Variants in ADGRL1 observed in about 807,000 individuals in gnomAD.
ADGRL1 encodes the protein adhesion G protein-coupled receptor L1.
ADGRL1 carries 31 observed loss-of-function variants against 148.9 expected under a neutral mutation model. The ratio of observed to expected loss-of-function variants is 0.21; its 90% CI spans 0.16 to 0.28. The LOEUF (loss-of-function observed/expected upper bound fraction) is 0.28. Ranked by LOEUF, ADGRL1 falls within the 10% of genes least tolerant of loss-of-function variation. The pLI, the probability that ADGRL1 is intolerant of heterozygous loss-of-function variation, is 1.00. For missense variants in ADGRL1, 1,521 were observed against 2,058.8 expected, an observed-to-expected ratio of 0.74 and a Z score of 5.05; for synonymous variants, 937 against 900.3, an observed-to-expected ratio of 1.04 and a Z score of -0.73.
chr19:14,198,285 G>C (rs528659060), intron 1 of ADGRL1, among the ~76,000 whole-genome samples: 1 of 152,074 alleles, frequency 6.6e-6, no homozygotes, highest in Non-Finnish European at 1.5e-5. Flanking sequence ...ATCTGGCTCG[G>C]GTGTTCACAG....
In ADGRL1 at chr19:14,150,983, C is replaced by A; in HGVS notation, c.4300G>T (p.Gly1434Cys). The change falls in exon 23 of 23, where the codon GGC becomes TGC. Residue 1434 changes from glycine (G) to cysteine (C), a missense_variant. Gly to Cys is a radical substitution (Grantham distance 159). This residue lies in a region of ADGRL1 where 390 missense variants were observed against 375.0 expected (regional missense o/e 1.04). Coordinates refer to ENST00000361434, the MANE Select transcript of ADGRL1 (RefSeq NM_014921.5). ...CTAGGACGCCGCACCTGGTAGTAGC[C>A]CTGCAGGGGATTCCGGGCCACCAGG... ...PALVARNPLQ[G>C]YYQVRRPSHE... The A allele has an allele frequency of 1.3e-6, 2 of 1,597,450 alleles. No homozygotes were observed. The highest frequency in any genetic ancestry group is 1.7e-6 in the Non-Finnish European group (2 of 1,172,892).
chr19:14,173,943 CAAAAAAAAAAAAAA>C lies in ADGRL1; in HGVS notation c.285-3166_285-3153del, dbSNP rs774211423. 1.8e-4 allele frequency among the ~76,000 whole-genome samples: 6 copies of C among 32,968 alleles called. No homozygotes were observed. In the South Asian group the frequency reaches 4.0e-3, roughly 22 times the overall value. 21.6% of individuals were successfully genotyped at this position (32,968 alleles called of 152,430 possible). Reference sequence around the variant, plus strand: ...CCTGGGGGAGAGCAAGACTCCGTCTCAAAAAAAAAAAAAAAAAAAAAAAAAGAGTCTCCAGGCTT... The same window carrying C: ...CCTGGGGGAGAGCAAGACTCCGTCTCAAAAAAAAAAAGAGTCTCCAGGCTT... On this transcript the variant is annotated intron_variant, in intron 3 of 22. Transcript: ENST00000361434.
At chr19:14,181,698 C>T (rs1229506967) in intron 2 of ADGRL1, among the ~76,000 whole-genome samples, 7 of 152,054 alleles carry the variant, frequency 4.6e-5, no homozygotes, top group African/African-American at 1.2e-4. Context: ...CCAGCCTGGG[C>T]GACAAGAGCA....
At position 14,201,848 on chromosome 19, in the gene ADGRL1, G is replaced by A. The variant is rs970962449; in HGVS notation, c.-96+4137C>T. 5.3e-5 allele frequency among the ~76,000 whole-genome samples: 8 copies of A among 152,130 alleles called. 1 individual carries two copies. Among genetic ancestry groups the A allele is most frequent in the African/African-American group, 1.9e-4 (8 of 41,424 alleles). ...ACAGACACAGACAGTAAACAAACAA[G>A]CGCAGAACATCAGGAAATTACAGAC... On this transcript the variant is annotated intron_variant, in intron 1 of 22. Transcript: ENST00000361434.
rs754002920 is a variant in ADGRL1 at position 14,156,917 on chromosome 19, A to G, written c.2966+8T>C. On this transcript the variant is annotated splice_region_variant and intron_variant, in intron 15 of 22. Transcript: ENST00000361434. ...GGGAGGGTGCAGGGCTGGGAGGTGGAAACTCACGCCTTCTCGGTGCCGTAG... is the reference window on the plus strand; with the variant it reads ...GGGAGGGTGCAGGGCTGGGAGGTGGGAACTCACGCCTTCTCGGTGCCGTAG... 7 of 1,607,794 alleles carry G rather than the reference A, an allele frequency of 4.4e-6. No individual in the cohort carries two copies. In the Admixed American group the frequency reaches 8.4e-5, roughly 19 times the overall value.
At chr19:14,204,064 T>C (rs1465348648) in intron 1 of ADGRL1, among the ~76,000 whole-genome samples, 4 of 152,182 alleles carry the variant, frequency 2.6e-5, no homozygotes, top group African/African-American at 7.2e-5. Context: ...CTGCCAGCCA[T>C]GGAATTAGTT....
At chr19:14,154,905 C>A (rs1417381481) in intron 18 of ADGRL1, among the ~76,000 whole-genome samples, 3 of 152,204 alleles carry the variant, frequency 2.0e-5, no homozygotes, top group Non-Finnish European at 4.4e-5. Flanking sequence ...GCGTGAGCCA[C>A]CGTGTCCGGA....
intron 1 of ADGRL1, 141 bp from the exon 2 acceptor site, chr19:14,183,838 G>T (rs574609537): frequency 3.7e-6 from 2 of 543,186 alleles, no homozygotes; most frequent in South Asian, 4.8e-5. Context: ...CCCCCTCCGG[G>T]GTCTGCAGCT....
At position 14,159,351 on chromosome 19, in the gene ADGRL1, G is replaced by A. The variant is rs754538492; in HGVS notation, c.2023+50C>T. Reference sequence around the variant, plus strand: ...CCTGTGGCCTCCAGGCCAGAACCCCGTGGTTTAAGGTTCGTATCTGAGTTT... The same window carrying A: ...CCTGTGGCCTCCAGGCCAGAACCCCATGGTTTAAGGTTCGTATCTGAGTTT... On this transcript the variant is annotated intron_variant, in intron 10 of 22. Transcript: ENST00000361434. This position sits in a 1 kb window ranked among gnomAD's most constrained non-coding sequence, Gnocchi z 6.0. The A allele has an allele frequency of 2.7e-5, 42 of 1,574,860 alleles. No homozygotes were observed. Among genetic ancestry groups the A allele is most frequent in the Admixed American group, 5.2e-5 (3 of 57,380 alleles).
Position 14,150,536 on chromosome 19 carries a change from A to G in ADGRL1, c.*337T>C. 3.6e-6 allele frequency: 1 copy of G among 277,740 alleles called. No individual in the cohort carries two copies. Among genetic ancestry groups the G allele is most frequent in the Admixed American group, 4.8e-5 (1 of 20,932 alleles). The allele number at this position is 277,740 out of a possible 1,614,324, so 17.2% of individuals were successfully genotyped here. ...AACTAAAGCCCTCATTTCCCTTCAC[A>G]GGGTAGAAGGGTGGGAGAGGGGAGA... On this transcript the variant is annotated 3_prime_UTR_variant, in exon 23 of 23. Transcript: ENST00000361434.
intron 1 of ADGRL1, among the ~76,000 whole-genome samples, chr19:14,199,724 AATTTT>A (rs1461183951): frequency 1.3e-5 from 2 of 151,486 alleles, no homozygotes; most frequent in African/African-American, 4.9e-5. Context: ...CGGCTGTTGC[AATTTT>A]ATTTTATTTT....
Position 14,150,541 on chromosome 19 carries a change from A to G in ADGRL1, c.*332T>C, listed in dbSNP as rs1253731678. 6.8e-6 allele frequency: 2 copies of G among 296,190 alleles called. No homozygotes were observed. The highest frequency in any genetic ancestry group is 6.4e-6 in the Non-Finnish European group (1 of 157,218). The allele number at this position is 296,190 out of a possible 1,614,324, so 18.3% of individuals were successfully genotyped here. On this transcript the variant is annotated 3_prime_UTR_variant, in exon 23 of 23. Coordinates refer to ENST00000361434, the MANE Select transcript of ADGRL1 (RefSeq NM_014921.5). ...AAGCCCTCATTTCCCTTCACAGGGT[A>G]GAAGGGTGGGAGAGGGGAGAGTCTG...
At chr19:14,198,176 G>A (rs1016970685) in intron 1 of ADGRL1, among the ~76,000 whole-genome samples, 1 of 152,030 alleles carries the variant, frequency 6.6e-6, no homozygotes, top group Non-Finnish European at 1.5e-5. Context: ...GGCTGGGGAG[G>A]GGGGTCACAG....
At chr19:14,173,635 C>T (rs997933435) in intron 3 of ADGRL1, among the ~76,000 whole-genome samples, 3 of 152,074 alleles carry the variant, frequency 2.0e-5, no homozygotes, top group East Asian at 1.9e-4. Context: ...GTGGAGGCAG[C>T]CCAAACATCC....
At position 14,159,675 on chromosome 19, in the gene ADGRL1, C is replaced by T. The variant is rs1336625507; in HGVS notation, c.1839+60G>A. 6.2e-7 allele frequency: 1 copy of T among 1,602,998 alleles called. No homozygotes were observed. On this transcript the variant is annotated intron_variant, in intron 9 of 22. Coordinates refer to ENST00000361434, the MANE Select transcript of ADGRL1 (RefSeq NM_014921.5). The surrounding 1 kb of genome is among the most constrained non-coding windows in gnomAD (Gnocchi z 6.0). ...TGCATGCCCTCTTCTCAACCTCCAC[C>T]CCTAATCCCCCCATCAGCTGGAGCC... is the stretch of plus-strand genomic sequence containing the variant.
intron 1 of ADGRL1, among the ~76,000 whole-genome samples, chr19:14,199,553 T>C (rs1599524817): frequency 1.3e-5 from 2 of 151,876 alleles, no homozygotes; most frequent in African/African-American, 2.4e-5. Flanking sequence ...GCCTCCCAAG[T>C]AGCTGGGACC....
Position 14,151,329 on chromosome 19 carries a change from G to A in ADGRL1, c.3954C>T (p.Gly1318=), listed in dbSNP as rs746377509. ...VPGGGGEEEA[G]GPGGADRAEI... ...CGGCCCGGTCAGCACCCCCGGGCCC[G>A]CCCGCCTCTTCCTCGCCCCCGCCCC... Residue 1318 remains glycine, a synonymous_variant, in exon 23 of 23, where the codon GGC becomes GGT. Coordinates refer to ENST00000361434, the MANE Select transcript of ADGRL1 (RefSeq NM_014921.5). 8.8e-6 allele frequency: 14 copies of A among 1,587,604 alleles called. No individual in the cohort carries two copies. Among genetic ancestry groups the A allele is most frequent in the South Asian group, 2.3e-5 (2 of 88,732 alleles).
At chr19:14,189,049 G>A (rs1482920556) in intron 1 of ADGRL1, among the ~76,000 whole-genome samples, 1 of 152,024 alleles carries the variant, frequency 6.6e-6, no homozygotes, top group Non-Finnish European at 1.5e-5. Flanking sequence ...ATCGTGCCCA[G>A]CCTCCAAAAC....
At chr19:14,183,214 A>AGAGC (rs1555790240) in intron 2 of ADGRL1, among the ~76,000 whole-genome samples, 1 of 145,066 alleles carries the variant, frequency 6.9e-6, no homozygotes, top group Admixed American at 7.0e-5. Context: ...AGAGAGAGAG[A>AGAGC]GAGCGAGAGA....
Sources: allele counts gnomAD v4.1 joint callset (sites outside exome capture counted in the v4.1 genomes callset), GRCh38; gene constraint gnomAD v4.1.1; regional missense constraint gnomAD v4.1.1; non-coding constraint Gnocchi (gnomAD v3.1); transcripts MANE v1.5; gene names NCBI Gene and HGNC (gene_info 2026-07-23, HGNC 2026-07-21).